CSMD1: variants seen among roughly 807,000 people sequenced by gnomAD.
CSMD1 encodes CUB and Sushi multiple domains 1.
In CSMD1, 213 loss-of-function variants were observed where a neutral mutation model predicts 417.5. The observed-to-expected ratio is 0.51, with a 90% CI of 0.46 to 0.57. CSMD1 has a LOEUF of 0.57. Among genes scored for constraint, CSMD1 ranks in the 20% least tolerant of loss-of-function variants. CSMD1 has a pLI of 0.00. For synonymous variants in CSMD1, 2,862 were observed against 1,736.8 expected (o/e 1.65, Z -16.11); for missense variants, 6,923 against 4,529.7 (o/e 1.53, Z -15.17).
intron 3 of CSMD1, among the ~76,000 whole-genome samples, chr8:4,237,534 C>CTTTTTT (rs11433104): frequency 2.7e-5 from 4 of 149,280 alleles, no homozygotes; most frequent in Non-Finnish European, 5.9e-5. Context: ...GTCAATACTA[C>CTTTTTT]TTTTTTTTTT....
intron 7 of CSMD1, among the ~76,000 whole-genome samples, chr8:3,636,496 G>A (rs765467732): frequency 5.3e-5 from 8 of 152,166 alleles, no homozygotes; most frequent in African/African-American, 1.2e-4. Context: ...AAAATCTTTA[G>A]GAGTCTATCT....
At chr8:4,466,284 A>T (rs1800162950) in intron 2 of CSMD1, among the ~76,000 whole-genome samples, 2 of 152,140 alleles carry the variant, frequency 1.3e-5, no homozygotes, top group Admixed American at 1.3e-4. Context: ...TTGATGAGGA[A>T]GAAAACAGAG....
chr8:3,099,770 A>C (rs1324934013), intron 46 of CSMD1, among the ~76,000 whole-genome samples: 1 of 152,170 alleles, frequency 6.6e-6, no homozygotes, highest in East Asian at 1.9e-4. Context: ...TTCATATTTG[A>C]AATGCTGATT....
intron 8 of CSMD1, among the ~76,000 whole-genome samples, chr8:3,592,779 C>T (rs1263891621): frequency 6.6e-6 from 1 of 152,138 alleles, no homozygotes; most frequent in Non-Finnish European, 1.5e-5. Flanking sequence ...TGTCCTAGCA[C>T]AGCACACGTT....
intron 10 of CSMD1, among the ~76,000 whole-genome samples, chr8:3,573,849 T>TA (rs11373613): frequency 0.86 from 130,356 of 151,700 alleles, 56,329 homozygotes; most frequent in Non-Finnish European, 0.88. Flanking sequence ...TTACATAATT[T>TA]AGTGAAATCC....
At chr8:3,381,999 T>G (rs1334366367) in intron 18 of CSMD1, among the ~76,000 whole-genome samples, 5 of 152,176 alleles carry the variant, frequency 3.3e-5, no homozygotes, top group African/African-American at 4.8e-5. Flanking sequence ...GGCTCACATC[T>G]ATAATCCCAG....
rs745828621 is a variant in CSMD1, at chr8:3,308,459, C to T, written c.3676G>A (p.Gly1226Ser). Reference protein sequence around the residue: ...KCEDPGIPNYGYRIRDEGHFT... With the variant: ...KCEDPGIPNYSYRIRDEGHFT... The stretch of plus-strand genomic sequence containing the variant: ...TGGCCTTCATCACGGATCCTATAGC[C>T]GTAGTTAGGGATGCCCGGATCCTCA... The change falls in exon 24 of 70, where the codon GGC (glycine) becomes AGC (serine). Residue 1226 changes from glycine (G) to serine (S), a missense_variant. Physicochemically the swap from Gly to Ser is moderately conservative, Grantham distance 56. Coordinates refer to ENST00000635120, the MANE Select transcript of CSMD1 (RefSeq NM_033225.6). 147 of 1,613,478 alleles carry T rather than the reference C, an allele frequency of 9.1e-5. No individual in the cohort carries two copies. Among genetic ancestry groups the T allele is most frequent in the Middle Eastern group, 1.6e-4 (1 of 6,066 alleles).
At chr8:3,688,099 C>G (rs968923121) in intron 7 of CSMD1, among the ~76,000 whole-genome samples, 2 of 152,204 alleles carry the variant, frequency 1.3e-5, no homozygotes, top group African/African-American at 4.8e-5. Context: ...GAAACAATGA[C>G]CACTTAGTGT....
At chr8:4,140,431 G>T (rs1460540221) in intron 3 of CSMD1, among the ~76,000 whole-genome samples, 2 of 150,880 alleles carry the variant, frequency 1.3e-5, no homozygotes, top group Non-Finnish European at 2.9e-5. Flanking sequence ...CTGGGAAGTG[G>T]AGGTTGCCGT....
chr8:4,742,676 C>T (rs1398053675), intron 1 of CSMD1, among the ~76,000 whole-genome samples: 3 of 152,000 alleles, frequency 2.0e-5, no homozygotes, highest in African/African-American at 7.2e-5. Context: ...GAGCATTTTT[C>T]AGTGTTGACA....
At chr8:3,558,644 CGTGTCCACTCCTCCA>C (rs1799323706) in intron 10 of CSMD1, among the ~76,000 whole-genome samples, 2 of 149,324 alleles carry the variant, frequency 1.3e-5, no homozygotes, top group African/African-American at 5.0e-5. Context: ...AATAGTACCC[CGTGTCCACTCCTCCA>C]ATGATGAACG....
chr8:4,339,777 G>A (rs1301630577), intron 3 of CSMD1, among the ~76,000 whole-genome samples: 1 of 152,088 alleles, frequency 6.6e-6, no homozygotes, highest in Non-Finnish European at 1.5e-5. Context: ...AAATCCTAAT[G>A]CTTTGGGAGA....
chr8:3,621,953 T>C (rs767152085), intron 7 of CSMD1, among the ~76,000 whole-genome samples: 1 of 149,306 alleles, frequency 6.7e-6, no homozygotes, highest in Non-Finnish European at 1.5e-5. Context: ...TGATGTTACT[T>C]CTGTCTTATG....
At chr8:3,234,574 A>G (rs2116930309) in intron 26 of CSMD1, among the ~76,000 whole-genome samples, 1 of 152,284 alleles carries the variant, frequency 6.6e-6, no homozygotes, top group Non-Finnish European at 1.5e-5. Flanking sequence ...CCGGAAGGCC[A>G]TTGCTGTACT....
At chr8:4,479,128 C>G (rs59876996) in intron 2 of CSMD1, among the ~76,000 whole-genome samples, 11,049 of 152,092 alleles carry the variant, frequency 0.073, 689 homozygotes, top group East Asian at 0.21. Flanking sequence ...GAGAAAATTA[C>G]AATTCTTTAA....
chr8:3,348,662 G>A (rs1349188967), intron 21 of CSMD1, among the ~76,000 whole-genome samples: 1 of 152,102 alleles, frequency 6.6e-6, no homozygotes, highest in Admixed American at 6.5e-5. Flanking sequence ...GTTATCTTCA[G>A]GATGTCACAT....
At chr8:4,095,401 G>GAAAAAAAGA (rs1800952372) in intron 3 of CSMD1, among the ~76,000 whole-genome samples, 1 of 151,082 alleles carries the variant, frequency 6.6e-6, no homozygotes, top group Non-Finnish European at 1.5e-5. Context: ...AAGTAAAAAA[G>GAAAAAAAGA]AAAAAAAAAT....
chr8:4,562,114 A>T (rs188267667), intron 2 of CSMD1, among the ~76,000 whole-genome samples: 34 of 152,352 alleles, frequency 2.2e-4, no homozygotes, highest in African/African-American at 7.9e-4. Context: ...AGGAGGGAAG[A>T]GTGTAGGAAA....
chr8:4,366,611 T>G (rs1181921586), intron 3 of CSMD1, among the ~76,000 whole-genome samples: 1 of 152,182 alleles, frequency 6.6e-6, no homozygotes, highest in Non-Finnish European at 1.5e-5. Context: ...TGCTTTTTAT[T>G]AACAGCAATT....
Sources: allele counts gnomAD v4.1 joint callset (sites outside exome capture counted in the v4.1 genomes callset), GRCh38; gene constraint gnomAD v4.1.1; transcripts MANE v1.5; gene names NCBI Gene and HGNC (gene_info 2026-07-23, HGNC 2026-07-21).